Variants in SETD2 observed in about 807,000 individuals in gnomAD.
SETD2 encodes SET domain containing 2, histone lysine methyltransferase.
SETD2 carries 31 observed loss-of-function variants against 242.1 expected under a neutral mutation model. The ratio of observed to expected loss-of-function variants is 0.13; its 90% CI spans 0.10 to 0.17. The LOEUF (loss-of-function observed/expected upper bound fraction) is 0.17, where lower values mean the gene tolerates loss of function less well. Ranked by LOEUF, SETD2 falls within the 10% of genes least tolerant of loss-of-function variation. SETD2 has a pLI of 1.00. For synonymous variants in SETD2, 1,006 were observed against 1,066.5 expected, an observed-to-expected ratio of 0.94 and a Z score of 1.11; for missense variants, 2,481 against 3,046.3, an observed-to-expected ratio of 0.81 and a Z score of 4.37.
chr3:47,044,168 C>T (rs543294223), intron 16 of SETD2, among the ~76,000 whole-genome samples: 5 of 151,694 alleles, frequency 3.3e-5, no homozygotes, highest in Non-Finnish European at 7.4e-5. Flanking sequence ...TAGTGAAACC[C>T]TGTCTCTACT....
At chr3:47,071,651 T>C (rs773999208) in intron 12 of SETD2, among the ~76,000 whole-genome samples, 1 of 151,592 alleles carries the variant, frequency 6.6e-6, no homozygotes, top group Non-Finnish European at 1.5e-5. Flanking sequence ...GTGATACTGC[T>C]GGAGATTGCC....
intron 18 of SETD2, among the ~76,000 whole-genome samples, chr3:47,024,773 T>A (rs1054452367): frequency 3.9e-5 from 6 of 152,202 alleles, no homozygotes; most frequent in Non-Finnish European, 8.8e-5. Flanking sequence ...GACTGTTAAT[T>A]AAAAGCCAGG....
chr3:47,054,905 T>G (rs928939368), intron 15 of SETD2, among the ~76,000 whole-genome samples: 1 of 152,206 alleles, frequency 6.6e-6, no homozygotes, highest in Non-Finnish European at 1.5e-5. Flanking sequence ...AGTATAATAG[T>G]AAATAATTTG....
intron 9 of SETD2, among the ~76,000 whole-genome samples, chr3:47,090,085 T>C (rs1308497344): frequency 2.0e-5 from 3 of 151,966 alleles, no homozygotes; most frequent in African/African-American, 4.8e-5. Context: ...CTGTCTCTAA[T>C]AAAAATACAA....
Position 47,122,963 on chromosome 3 carries a change from G to A in SETD2, c.1673C>T (p.Thr558Ile), listed in dbSNP as rs2106691870. Residue 558 changes from threonine to isoleucine, a missense_variant, in exon 3 of 21, where the codon ACC becomes ATC. Around this residue, in one of 17 missense-constraint regions of SETD2, gnomAD observed 1,300 missense variants for 1,259.2 expected, o/e 1.03. Transcript: ENST00000409792. ...HDSSASRYKS[T>I]LSKPIPKSDK... ...AGACTTGGGTATAGGTTTTGAAAGG[G>A]TAGATTTATAACGGGAAGCACTACT... 1 of 1,613,866 alleles carries A rather than the reference G, an allele frequency of 6.2e-7. No homozygotes were observed. The highest frequency in any genetic ancestry group is 8.5e-7 in the Non-Finnish European group (1 of 1,179,794).
chr3:47,141,566 A>G (rs958715896), intron 1 of SETD2, among the ~76,000 whole-genome samples: 3 of 152,238 alleles, frequency 2.0e-5, no homozygotes, highest in Non-Finnish European at 2.9e-5. Context: ...ATCTCTTTCC[A>G]TCATAAATAA....
chr3:47,033,581 G>A (rs930959794), intron 18 of SETD2, among the ~76,000 whole-genome samples: 14 of 150,450 alleles, frequency 9.3e-5, no homozygotes, highest in African/African-American at 3.4e-4. Context: ...GTGAATTTCT[G>A]ACTGAAAACC....
At chr3:47,109,278 T>C (rs2107706303) in intron 5 of SETD2, among the ~76,000 whole-genome samples, 1 of 152,294 alleles carries the variant, frequency 6.6e-6, no homozygotes, top group Non-Finnish European at 1.5e-5. Context: ...TTAATAACTA[T>C]AAAACCTAAG....
At position 47,124,409 on chromosome 3, in the gene SETD2, C is replaced by G. The variant is rs587778670; in HGVS notation, c.227G>C (p.Ser76Thr). ...EEQGRQKVSF[S>T]FSLTKKTLQN... ...CAAAGTTTTCTTTGTAAGGCTGAAG[C>G]TGAATGACACCTTCTGTCGTCCCTG... The change falls in exon 3 of 21, where the codon AGC (serine) becomes ACC (threonine). Residue 76 changes from serine (S) to threonine (T), a missense_variant. Physicochemically the swap from Ser to Thr is moderately conservative, Grantham distance 58 (BLOSUM62 1). Transcript: ENST00000409792. 3 of 1,551,998 alleles carry G rather than the reference C, an allele frequency of 1.9e-6. No homozygotes were observed. The highest frequency in any genetic ancestry group is 2.0e-5 in the Admixed American group (1 of 51,000).
intron 14 of SETD2, among the ~76,000 whole-genome samples, chr3:47,057,796 C>A (rs2040143944): frequency 6.6e-6 from 1 of 152,052 alleles, no homozygotes; most frequent in African/African-American, 2.4e-5. Flanking sequence ...TCTATAATCA[C>A]AAATTCTAAA....
In SETD2 at chr3:47,121,417, T is replaced by C; in HGVS notation, c.3219A>G (p.Pro1073=). ...CTTCCATGGGCAAAGTAGAATTCTT[T>C]GGCACAACCACAACAGACTGGAGAC... ...RNRLQSVVVV[P]KNSTLPMEET... Residue 1073 remains proline (P), a synonymous_variant, in exon 3 of 21, where the codon CCA becomes CCG. Transcript: ENST00000409792. 2 of 1,611,162 alleles carry C rather than the reference T, an allele frequency of 1.2e-6. No individual in the cohort carries two copies. The highest frequency in any genetic ancestry group is 1.7e-6 in the Non-Finnish European group (2 of 1,180,006).
At chr3:47,032,841 G>A (rs1049580472) in intron 18 of SETD2, among the ~76,000 whole-genome samples, 1 of 151,884 alleles carries the variant, frequency 6.6e-6, no homozygotes, top group South Asian at 2.1e-4. Context: ...GAACCCGGGA[G>A]GCAGAAGTTG....
rs774673756 is a variant in SETD2, at chr3:47,124,386, A to G, written c.250T>C (p.Leu84=). The change falls in exon 3 of 21, where the codon TTG becomes CTG. Residue 84 remains leucine, a synonymous_variant. Coordinates refer to ENST00000409792, the MANE Select transcript of SETD2 (RefSeq NM_014159.7). ...AGTGCAGTGAGAAACCTATTCTGCA[A>G]AGTTTTCTTTGTAAGGCTGAAGCTG... ...SFSFSLTKKT[L]QNRFLTALGN... 37 of 1,551,994 alleles carry G rather than the reference A, an allele frequency of 2.4e-5. No individual in the cohort carries two copies. The South Asian group carries it at 4.0e-4, about 17-fold the overall frequency.
chr3:47,069,784 A>T (rs2040738926), intron 12 of SETD2, among the ~76,000 whole-genome samples: 1 of 152,216 alleles, frequency 6.6e-6, no homozygotes, highest in South Asian at 2.1e-4. Flanking sequence ...TAAAGACAGG[A>T]AGGAGCAAGC....
At chr3:47,089,267 C>G (rs1212842797) in intron 9 of SETD2, among the ~76,000 whole-genome samples, 1 of 152,034 alleles carries the variant, frequency 6.6e-6, no homozygotes, top group Non-Finnish European at 1.5e-5. Flanking sequence ...GCAACACAGC[C>G]AGACTTCATC....
In SETD2 at chr3:47,113,665, C is replaced by T. The variant is rs921576353; in HGVS notation, c.4715+211G>A. ...CCTGGCCAACATGGTGAAACAACGT[C>T]TCTACCAAAAAAATACAAAAAAAAT... On this transcript the variant is annotated intron_variant, in intron 5 of 20. Coordinates refer to ENST00000409792, the MANE Select transcript of SETD2 (RefSeq NM_014159.7). Among the ~76,000 whole-genome samples, 3 of 152,044 alleles carry T rather than the reference C, an allele frequency of 2.0e-5. No homozygotes were observed. The South Asian group carries it at 6.2e-4, about 32-fold the overall frequency.
intron 4 of SETD2, 52 bp from the exon 5 acceptor site, chr3:47,114,056 A>C: frequency 6.4e-7 from 1 of 1,572,978 alleles, no homozygotes. Flanking sequence ...AAAAGAACCA[A>C]AGTAACTTTG....
chr3:47,042,808 T>TA (rs1035116648), intron 16 of SETD2, 108 bp from the exon 17 acceptor site: 2 of 983,910 alleles, frequency 2.0e-6, no homozygotes, highest in Admixed American at 2.5e-5. Context: ...TACCTCCTCT[T>TA]AAAAAAAGGA....
At chr3:47,111,079 TAAAAAAAAAAAAAAAA>T (rs10672755) in intron 5 of SETD2, among the ~76,000 whole-genome samples, 30 of 78,816 alleles carry the variant, frequency 3.8e-4, no homozygotes, top group East Asian at 1.8e-3. Context: ...GTGGTTCCTT[TAAAAAAAAAAAAAAAA>T]AAAAAAAAAA....
Sources: gnomAD v4.1 joint callset for allele counts (sites outside exome capture counted in the v4.1 genomes callset) on GRCh38, gnomAD v4.1.1 for gene constraint, gnomAD v4.1.1 regional missense constraint, MANE v1.5 for transcripts, NCBI Gene and HGNC (gene_info 2026-07-23, HGNC 2026-07-21) for gene names.